Variants in ALK observed in about 807,000 individuals in gnomAD.
ALK encodes ALK receptor tyrosine kinase.
ALK carries 74 observed loss-of-function variants against 163.1 expected under a neutral mutation model. That is an observed-to-expected ratio of 0.45 (90% CI 0.38 to 0.55). The LOEUF is 0.55. Among genes scored for constraint, ALK ranks in the 20% least tolerant of loss-of-function variants. The pLI is 0.00. For synonymous variants in ALK, 960 were observed against 843.2 expected (o/e 1.14, Z -2.40); for missense variants, 2,063 against 2,105.3 (o/e 0.98, Z 0.39).
At chr2:29,437,831 A>G (rs1313089641) in intron 4 of ALK, among the ~76,000 whole-genome samples, 2 of 152,238 alleles carry the variant, frequency 1.3e-5, no homozygotes, top group African/African-American at 4.8e-5. Flanking sequence ...ACTATAGATT[A>G]TCTTTGGTGG....
intron 3 of ALK, among the ~76,000 whole-genome samples, chr2:29,676,980 A>G (rs186372652): frequency 1.3e-3 from 198 of 152,056 alleles, no homozygotes; most frequent in Non-Finnish European, 2.4e-3. Flanking sequence ...TTGATTTTGT[A>G]TCTGTGGCCT....
At chr2:29,694,005 C>G (rs1193089492) in intron 3 of ALK, among the ~76,000 whole-genome samples, 1 of 152,184 alleles carries the variant, frequency 6.6e-6, no homozygotes, top group East Asian at 1.9e-4. Context: ...CCCATTGCCA[C>G]TTCAGTTATT....
At chr2:29,822,741 T>C (rs1235968403) in intron 1 of ALK, among the ~76,000 whole-genome samples, 3 of 152,230 alleles carry the variant, frequency 2.0e-5, no homozygotes, top group Non-Finnish European at 4.4e-5. Flanking sequence ...GTTACTGCAA[T>C]AGGCATTAGG....
At chr2:29,863,935 A>G (rs1666359620) in intron 1 of ALK, among the ~76,000 whole-genome samples, 1 of 152,134 alleles carries the variant, frequency 6.6e-6, no homozygotes, top group Non-Finnish European at 1.5e-5. Context: ...TTTATCCCTC[A>G]AGACATTTCT....
At chr2:29,576,368 G>A (rs1318508469) in intron 3 of ALK, among the ~76,000 whole-genome samples, 1 of 152,294 alleles carries the variant, frequency 6.6e-6, no homozygotes, top group South Asian at 2.1e-4. Flanking sequence ...TCTGGGTGTT[G>A]CTCTACATTT....
chr2:29,240,496 G>T (rs964250823), intron 12 of ALK, among the ~76,000 whole-genome samples: 2 of 152,168 alleles, frequency 1.3e-5, no homozygotes, highest in African/African-American at 4.8e-5. Context: ...GTACAAAGTT[G>T]TAAAGTCTCC....
At chr2:29,232,215 C>G in intron 15 of ALK, 89 bp downstream of exon 15, 1 of 1,563,672 alleles carries the variant, frequency 6.4e-7, no homozygotes, top group East Asian at 2.2e-5. Context: ...GTGCCAGTGA[C>G]TAAGATGCCC....
Position 29,261,613 on chromosome 2 carries a change from G to A in ALK, c.2042-10346C>T, listed in dbSNP as rs72852073. ...CAATGACCATGGTCTAGAACCTGCC[G>A]TTTCATTATGCTCTGCCTATTTTCG... On this transcript the variant is annotated intron_variant, in intron 11 of 28. Coordinates refer to ENST00000389048, the MANE Select transcript of ALK (RefSeq NM_004304.5). Among the ~76,000 whole-genome samples, 1,320 of 152,178 alleles carry A rather than the reference G, an allele frequency of 8.7e-3. 33 individuals are homozygous for A. Among genetic ancestry groups the A allele is most frequent in the African/African-American group, 0.029 (1,210 of 41,510 alleles).
chr2:29,900,819 C>T (rs1401455432), intron 1 of ALK, among the ~76,000 whole-genome samples: 1 of 152,148 alleles, frequency 6.6e-6, no homozygotes, highest in Non-Finnish European at 1.5e-5. Context: ...GCACATCCCA[C>T]TATGAGAGGT....
At chr2:29,361,118 C>A (rs1017967700) in intron 5 of ALK, among the ~76,000 whole-genome samples, 10 of 152,252 alleles carry the variant, frequency 6.6e-5, no homozygotes, top group African/African-American at 2.2e-4. Flanking sequence ...AATCCACGAG[C>A]AGATCGCCGA....
chr2:29,422,013 TGGAATTCACCCAGACAACTCCA>T (rs1670027774), intron 4 of ALK, among the ~76,000 whole-genome samples: 1 of 151,526 alleles, frequency 6.6e-6, no homozygotes, highest in South Asian at 2.1e-4. Flanking sequence ...GTTTCCATTC[TGGAATTCACCCAGACAACTCCA>T]TTTTGATAAA....
intron 3 of ALK, among the ~76,000 whole-genome samples, chr2:29,627,983 A>G (rs1676245381): frequency 6.6e-6 from 1 of 152,176 alleles, no homozygotes; most frequent in Non-Finnish European, 1.5e-5. Context: ...AATAACATTA[A>G]TTCTCTTTCA....
intron 4 of ALK, among the ~76,000 whole-genome samples, chr2:29,409,765 A>C (rs1475908105): frequency 6.6e-6 from 1 of 152,082 alleles, no homozygotes; most frequent in African/African-American, 2.4e-5. Flanking sequence ...CTTGATTCCT[A>C]GTGGGCTTCC....
chr2:29,216,829 G>A (rs1260836713), intron 23 of ALK, among the ~76,000 whole-genome samples: 2 of 150,784 alleles, frequency 1.3e-5, no homozygotes, highest in Non-Finnish European at 1.5e-5. Flanking sequence ...TGTGTGGTGT[G>A]TATATGTGCA....
chr2:29,286,919 C>T lies in ALK; in HGVS notation c.1817+9969G>A, dbSNP rs375091155. ...ATATTCCTTGACTTAGTCTGTGACA[C>T]ACCATCTCATTTTTTTTTTTTTTTC... is the stretch of plus-strand genomic sequence containing the variant. On this transcript the variant is annotated intron_variant, in intron 9 of 28. Coordinates refer to ENST00000389048, the MANE Select transcript of ALK (RefSeq NM_004304.5). The T allele has an allele frequency of 1.7e-4, 26 of 149,078 alleles. 1 individual carries two copies. The highest frequency in any genetic ancestry group is 5.8e-4 in the East Asian group (3 of 5,172). The allele number at this position is 149,078 out of a possible 1,614,324, so 9.2% of individuals were successfully genotyped here.
At chr2:29,575,976 ACC>A (rs1313652903) in intron 3 of ALK, among the ~76,000 whole-genome samples, 1 of 152,020 alleles carries the variant, frequency 6.6e-6, no homozygotes, top group Admixed American at 6.6e-5. Context: ...CATACTGTGC[ACC>A]TCCTGAGCCT....
At chr2:29,364,858 T>C (rs779234344) in intron 5 of ALK, among the ~76,000 whole-genome samples, 5 of 152,210 alleles carry the variant, frequency 3.3e-5, no homozygotes, top group African/African-American at 4.8e-5. Context: ...AGGACCCATT[T>C]TGGTGAATGA....
intron 1 of ALK, among the ~76,000 whole-genome samples, chr2:29,810,232 G>T: frequency 6.6e-6 from 1 of 152,194 alleles, no homozygotes; most frequent in East Asian, 1.9e-4. Flanking sequence ...GACCAGCCTG[G>T]CCAACAGGGT....
chr2:29,733,118 G>A (rs1201486699), intron 1 of ALK, among the ~76,000 whole-genome samples: 2 of 152,112 alleles, frequency 1.3e-5, no homozygotes, highest in Non-Finnish European at 2.9e-5. Flanking sequence ...TGACACCCAA[G>A]AGGAAGATAC....
Sources: gnomAD v4.1 joint callset for allele counts (sites outside exome capture counted in the v4.1 genomes callset) on GRCh38, gnomAD v4.1.1 for gene constraint, MANE v1.5 for transcripts, NCBI Gene and HGNC (gene_info 2026-07-23, HGNC 2026-07-21) for gene names.